Variants in ATP11A observed in about 807,000 individuals in gnomAD.
ATP11A encodes the protein phospholipid-transporting ATPase IH.
Under a neutral mutation model 154.4 loss-of-function variants are expected in ATP11A, and 81 were observed. The ratio of observed to expected loss-of-function variants is 0.52; its 90% CI spans 0.44 to 0.63. The LOEUF (loss-of-function observed/expected upper bound fraction) is 0.63, where lower values mean the gene tolerates loss of function less well. Ranked by LOEUF, ATP11A falls within the 30% of genes least tolerant of loss-of-function variation. The probability of loss-of-function intolerance (pLI) is 0.00; values close to 1 mark genes in which losing one functional copy is unlikely to be tolerated. For synonymous variants in ATP11A, 623 were observed against 585.9 expected (o/e 1.06, Z -0.91); for missense variants, 1,316 against 1,474.3 (o/e 0.89, Z 1.76).
intron 1 of ATP11A, among the ~76,000 whole-genome samples, chr13:112,720,063 C>G (rs954320873): frequency 1.3e-5 from 2 of 152,152 alleles, no homozygotes; most frequent in African/African-American, 4.8e-5. Context: ...AATGACCATT[C>G]TGTTAATGGA....
intron 1 of ATP11A, among the ~76,000 whole-genome samples, chr13:112,711,508 C>A (rs1419931280): frequency 6.6e-6 from 1 of 151,796 alleles, no homozygotes; most frequent in African/African-American, 2.4e-5. Flanking sequence ...AATTTTAAAT[C>A]CACCTGATGA....
intron 11 of ATP11A, 28 bp from the exon 12 acceptor site, chr13:112,826,666 T>C (rs1226145826): frequency 1.2e-6 from 2 of 1,608,512 alleles, no homozygotes; most frequent in Non-Finnish European, 8.5e-7. Flanking sequence ...CTGGTGGAGG[T>C]GCTGACCCGC....
rs146678993 is a variant in ATP11A at position 112,764,308 on chromosome 13, C to T, written c.40-20827C>T. Among the ~76,000 whole-genome samples the T allele has an allele frequency of 4.4e-3, 675 of 151,838 alleles. 7 individuals carry two copies. Among genetic ancestry groups the T allele is most frequent in the African/African-American group, 0.015 (633 of 41,114 alleles). On this transcript the variant is annotated intron_variant, in intron 1 of 29. Coordinates refer to ENST00000375645, the MANE Select transcript of ATP11A (RefSeq NM_015205.3). ...TAGGCTCATGCTTGAGTGTTTATCACGACTTAGCTTCCTTGTGTCTGTCAC... is the reference window on the plus strand; with the variant it reads ...TAGGCTCATGCTTGAGTGTTTATCATGACTTAGCTTCCTTGTGTCTGTCAC...
chr13:112,820,172 G>A (rs887874351), intron 8 of ATP11A, among the ~76,000 whole-genome samples: 3 of 152,182 alleles, frequency 2.0e-5, no homozygotes, highest in Admixed American at 1.3e-4. Context: ...AAGTTTTCGC[G>A]CAAGACTCTG....
intron 24 of ATP11A, among the ~76,000 whole-genome samples, chr13:112,861,360 C>A (rs2080098315): frequency 6.6e-6 from 1 of 152,176 alleles, no homozygotes; most frequent in Non-Finnish European, 1.5e-5. Context: ...ATAATAGATT[C>A]TGTGGGCCCT....
chr13:112,791,715 T>C (rs1180098096), intron 2 of ATP11A, among the ~76,000 whole-genome samples: 2 of 152,166 alleles, frequency 1.3e-5, no homozygotes, highest in African/African-American at 4.8e-5. Flanking sequence ...GCTCCCTGGC[T>C]CTGTGCTACC....
intron 4 of ATP11A, among the ~76,000 whole-genome samples, chr13:112,806,942 C>T (rs2078339095): frequency 6.6e-6 from 1 of 152,218 alleles, no homozygotes; most frequent in Non-Finnish European, 1.5e-5. Context: ...CAAGGTTTCT[C>T]TGCATCTGAG....
intron 1 of ATP11A, among the ~76,000 whole-genome samples, chr13:112,764,179 C>T (rs187398503): frequency 0.051 from 7,727 of 152,202 alleles, 668 homozygotes; most frequent in African/African-American, 0.18. Flanking sequence ...GGTGATGGAA[C>T]CCTGACCCTA....
intron 25 of ATP11A, among the ~76,000 whole-genome samples, chr13:112,863,751 C>G (rs1287660531): frequency 2.7e-4 from 24 of 90,104 alleles, no homozygotes; most frequent in South Asian, 3.9e-4. Context: ...TTCAGTGCAG[C>G]CCATGCAGCT....
intron 4 of ATP11A, 122 bp from the exon 5 acceptor site, chr13:112,810,497 A>AAG (rs2078459646): frequency 1.3e-6 from 1 of 771,800 alleles, no homozygotes; most frequent in Admixed American, 2.1e-5. Flanking sequence ...TGAAAAATAC[A>AAG]CCCCCACAGG....
intron 2 of ATP11A, among the ~76,000 whole-genome samples, chr13:112,801,811 C>A (rs2078141695): frequency 1.3e-5 from 2 of 152,196 alleles, no homozygotes; most frequent in African/African-American, 4.8e-5. Flanking sequence ...GTTCCATGTT[C>A]ATGGATGGGA....
rs79346561 is a variant in ATP11A at position 112,857,200 on chromosome 13, C to T, written c.2419-618C>T. 3.8e-3 allele frequency among the ~76,000 whole-genome samples: 578 copies of T among 152,288 alleles called. 11 individuals carry two copies. The highest frequency in any genetic ancestry group is 0.033 in the East Asian group (170 of 5,186). On this transcript the variant is annotated intron_variant, in intron 20 of 29. Coordinates refer to ENST00000375645, the MANE Select transcript of ATP11A (RefSeq NM_015205.3). ...GCACCCACGTTTCCCCCCATCTCTT[C>T]ATTCTTACAGCTTGAACTGTTACAT...
intron 5 of ATP11A, among the ~76,000 whole-genome samples, chr13:112,811,128 C>T (rs112139979): frequency 1.4e-5 from 2 of 142,994 alleles, no homozygotes; most frequent in African/African-American, 5.3e-5. Flanking sequence ...AGGTTCACAG[C>T]AGCATTAGGT....
intron 8 of ATP11A, among the ~76,000 whole-genome samples, chr13:112,820,475 T>C (rs2078769478): frequency 1.3e-5 from 2 of 152,238 alleles, no homozygotes; most frequent in Non-Finnish European, 2.9e-5. Context: ...CACGGTTGGC[T>C]GCTGTGCCTT....
chr13:112,717,605 T>C (rs1324388132), intron 1 of ATP11A: 1 of 152,262 alleles, frequency 6.6e-6, no homozygotes, highest in Non-Finnish European at 1.5e-5. Flanking sequence ...GATTTTCATT[T>C]TATTTGCTAA....
chr13:112,805,120 C>T, intron 3 of ATP11A, 74 bp downstream of exon 3: 1 of 1,094,408 alleles, frequency 9.1e-7, no homozygotes, highest in Non-Finnish European at 1.3e-6. Flanking sequence ...CAGGTAACTG[C>T]CACACGGCTA....
intron 17 of ATP11A, among the ~76,000 whole-genome samples, chr13:112,844,145 C>T (rs950289328): frequency 6.6e-6 from 1 of 152,162 alleles, no homozygotes; most frequent in Non-Finnish European, 1.5e-5. Context: ...ACGTGGTCGC[C>T]GTGCCATGCT....
intron 25 of ATP11A, among the ~76,000 whole-genome samples, chr13:112,869,665 A>C (rs1395354148): frequency 6.6e-6 from 1 of 152,208 alleles, no homozygotes; most frequent in Non-Finnish European, 1.5e-5. Flanking sequence ...GGCCCAGCTG[A>C]TGTGGTTGTC....
At chr13:112,720,070 T>C (rs1460629795) in intron 1 of ATP11A, among the ~76,000 whole-genome samples, 1 of 152,186 alleles carries the variant, frequency 6.6e-6, no homozygotes, top group Non-Finnish European at 1.5e-5. Context: ...ATTCTGTTAA[T>C]GGAAAGACCA....
Sources: gnomAD v4.1 joint callset for allele counts (sites outside exome capture counted in the v4.1 genomes callset) on GRCh38, gnomAD v4.1.1 for gene constraint, MANE v1.5 for transcripts, NCBI Gene and HGNC (gene_info 2026-07-23, HGNC 2026-07-21) for gene names.